Variants in PRB2 observed in about 807,000 individuals in gnomAD.
The protein encoded by PRB2 is basic salivary proline-rich protein 2.
PRB2 carries 12 observed loss-of-function variants against 8.3 expected under a neutral mutation model. That is an observed-to-expected ratio of 1.45 (90% confidence interval 0.93 to 2.35). The LOEUF (loss-of-function observed/expected upper bound fraction) is 2.35. PRB2 is among the 30% of genes most tolerant of loss of function. PRB2 has a pLI of 0.00. For synonymous variants in PRB2, 146 were observed against 180.0 expected (o/e 0.81, Z 1.51); for missense variants, 470 against 507.0 (o/e 0.93, Z 0.70).
In PRB2 at chr12:11,393,010, G is replaced by A. The variant is rs201057151; in HGVS notation, c.1068C>T (p.Ser356=). The A allele has an allele frequency of 7.8e-5, 126 of 1,612,170 alleles. 3 individuals carry two copies. The Middle Eastern group carries it at 2.6e-3, about 34-fold the overall frequency. ...QGPPPQGGSK[S]RSARSPPGKP... ...TTCCTGGAGGAGATCGGGCACTTCG[G>A]GACTTGCTGCCTCCTTGTGGGGGTG... Residue 356 remains serine, a synonymous_variant, in exon 3 of 4, where the codon TCC becomes TCT. Transcript: ENST00000389362.
intron 2 of PRB2, 132 bp downstream of exon 2, chr12:11,394,363 C>T: frequency 8.7e-7 from 1 of 1,152,226 alleles, no homozygotes; most frequent in East Asian, 2.4e-5. Flanking sequence ...ATGAAGAGTG[C>T]CTATATTATT....
Position 11,393,086 on chromosome 12 carries a change from T to C in PRB2, c.992A>G (p.Gln331Arg). The C allele has an allele frequency of 7.2e-7, 1 of 1,389,430 alleles. No homozygotes were observed. Among genetic ancestry groups the C allele is most frequent in the Non-Finnish European group, 9.5e-7 (1 of 1,056,732 alleles). The allele number at this position is 1,389,430 out of a possible 1,614,324, so 86.1% of individuals were successfully genotyped here. Residue 331 changes from glutamine to arginine, a missense_variant, in exon 3 of 4, where the codon CAA (glutamine) becomes CGA (arginine). This residue lies in a region of PRB2 where 205 missense variants were observed against 195.0 expected (regional missense o/e 1.05). Transcript: ENST00000389362. ...GGGACCTTGAGGTTTGTTGCCTCCT[T>C]GTGGGGGTGGTCCTTGTGGCTTTCC... is the stretch of plus-strand genomic sequence containing the variant. Reference protein sequence around the residue: ...PPGKPQGPPPQGGNKPQGPPP... With the variant: ...PPGKPQGPPPRGGNKPQGPPP...
intron 1 of PRB2, 95 bp from the exon 2 acceptor site, chr12:11,394,625 C>G: frequency 7.0e-7 from 1 of 1,437,220 alleles, no homozygotes; most frequent in Non-Finnish European, 9.8e-7. Flanking sequence ...CTCACCACAC[C>G]CCATGCATCC....
chr12:11,393,108 T>C lies in PRB2; in HGVS notation c.970A>G (p.Lys324Glu). Residue 324 changes from lysine to glutamate, a missense_variant, in exon 3 of 4, where the codon AAG becomes GAG. By Grantham distance (56) the Lys-to-Glu change is moderately conservative. Coordinates refer to ENST00000389362, the MANE Select transcript of PRB2 (RefSeq NM_006248.4). Reference sequence around the variant, plus strand: ...CCTTGTGGGGGTGGTCCTTGTGGCTTTCCTGGAGGAGGTGGGGGACCTTGA... The same window carrying C: ...CCTTGTGGGGGTGGTCCTTGTGGCTCTCCTGGAGGAGGTGGGGGACCTTGA... The part of the protein sequence containing the change: ...QPQGPPPPPG[K>E]PQGPPPQGGN... 3 of 1,388,964 alleles carry C rather than the reference T, an allele frequency of 2.2e-6. No individual in the cohort carries two copies. Among genetic ancestry groups the C allele is most frequent in the African/African-American group, 1.9e-5 (1 of 51,792 alleles). 86.0% of individuals were successfully genotyped at this position (1,388,964 alleles called of 1,614,324 possible).
In PRB2 at chr12:11,393,018, T is replaced by G; in HGVS notation, c.1060A>C (p.Ser354Arg). The G allele has an allele frequency of 1.0e-5, 16 of 1,607,614 alleles. No individual in the cohort carries two copies. Among genetic ancestry groups the G allele is most frequent in the Non-Finnish European group, 1.4e-5 (16 of 1,178,084 alleles). ...GGAGATCGGGCACTTCGGGACTTGC[T>G]GCCTCCTTGTGGGGGTGGTCCTTGT... ...KPQGPPPQGGSKSRSARSPPG... is the reference protein window; with the variant it reads ...KPQGPPPQGGRKSRSARSPPG... Residue 354 changes from serine to arginine, a missense_variant, in exon 3 of 4, where the codon AGC becomes CGC. Around this residue, in one of 4 missense-constraint regions of PRB2, gnomAD observed 205 missense variants for 195.0 expected, o/e 1.05. Transcript: ENST00000389362.
At chr12:11,395,071 T>G (rs1189067455) in intron 1 of PRB2, among the ~76,000 whole-genome samples, 2 of 152,132 alleles carry the variant, frequency 1.3e-5, no homozygotes, top group Non-Finnish European at 2.9e-5. Flanking sequence ...TCTGATACTG[T>G]GTGTGTCTAT....
intron 2 of PRB2, 86 bp from the exon 3 acceptor site, chr12:11,394,063 G>T: frequency 2.6e-6 from 4 of 1,552,124 alleles, no homozygotes; most frequent in Non-Finnish European, 3.5e-6. Context: ...TATCAGTTTG[G>T]GTAACAAGCT....
intron 3 of PRB2, 57 bp from the exon 4 acceptor site, chr12:11,391,705 G>T (rs1023205692): frequency 1.2e-5 from 5 of 407,862 alleles, no homozygotes; most frequent in Non-Finnish European, 1.9e-5. Context: ...AGGAAATGTC[G>T]AATTCCTCAC....
chr12:11,393,052 T>A lies in PRB2; in HGVS notation c.1026A>T (p.Pro342=). The change falls in exon 3 of 4, where the codon CCA becomes CCT. Residue 342 remains proline (P), a synonymous_variant. Coordinates refer to ENST00000389362, the MANE Select transcript of PRB2 (RefSeq NM_006248.4). ...GGNKPQGPPP[P]GKPQGPPPQG... ...GTGGGGGTGGTCCTTGTGGCTTTCC[T>A]GGAGGTGGGGGACCTTGAGGTTTGT... is the stretch of plus-strand genomic sequence containing the variant. 6.3e-7 allele frequency: 1 copy of A among 1,592,344 alleles called. No homozygotes were observed. The highest frequency in any genetic ancestry group is 8.5e-7 in the Non-Finnish European group (1 of 1,173,220).
chr12:11,394,965 A>G (rs1477766588), intron 1 of PRB2, among the ~76,000 whole-genome samples: 1 of 152,072 alleles, frequency 6.6e-6, no homozygotes, highest in Non-Finnish European at 1.5e-5. Context: ...ACTGCGTGTA[A>G]GGGAGAGAAA....
rs201001689 is a variant in PRB2, at chr12:11,393,102, G to T, written c.976C>A (p.Gln326Lys). Residue 326 changes from glutamine to lysine, a missense_variant, in exon 3 of 4, where the codon CAA becomes AAA. Transcript: ENST00000389362. ...QGPPPPPGKPQGPPPQGGNKP... is the reference protein window; with the variant it reads ...QGPPPPPGKPKGPPPQGGNKP... ...TTGCCTCCTTGTGGGGGTGGTCCTT[G>T]TGGCTTTCCTGGAGGAGGTGGGGGA... 1,219 of 1,571,694 alleles carry T rather than the reference G, an allele frequency of 7.8e-4. 10 individuals carry two copies. The Middle Eastern group carries it at 0.014, about 18-fold the overall frequency.
intron 2 of PRB2, 21 bp from the exon 3 acceptor site, chr12:11,393,998 A>G: frequency 1.2e-6 from 2 of 1,613,974 alleles, no homozygotes; most frequent in South Asian, 1.1e-5. Context: ...AAGAGAGAAG[A>G]GAAAGACAGA....
intron 2 of PRB2, 124 bp from the exon 3 acceptor site, chr12:11,394,101 C>A: frequency 5.3e-6 from 7 of 1,318,410 alleles, no homozygotes; most frequent in South Asian, 5.2e-5. Flanking sequence ...AAAATGAGAC[C>A]AAGACATTAA....
chr12:11,394,675 G>C (rs946372750), intron 1 of PRB2, 145 bp from the exon 2 acceptor site: 10 of 1,099,568 alleles, frequency 9.1e-6, no homozygotes, highest in Middle Eastern at 2.0e-4. Context: ...GAAGCTGCTG[G>C]AAGGGGAGGA....
rs376320930 is a variant in PRB2, at chr12:11,392,972, G to T, written c.1106C>A (p.Pro369Gln). 3.6e-4 allele frequency: 576 copies of T among 1,612,358 alleles called. No homozygotes were observed. Among genetic ancestry groups the T allele is most frequent in the Non-Finnish European group, 4.8e-4 (562 of 1,179,580 alleles). ...AGGATTGTTGCCTTCTTGTTGGGGTGGTCCTTGTGGCTTTCCTGGAGGAGA... is the reference window on the plus strand; with the variant it reads ...AGGATTGTTGCCTTCTTGTTGGGGTTGTCCTTGTGGCTTTCCTGGAGGAGA... ...ARSPPGKPQG[P>Q]PQQEGNNPQG... Residue 369 changes from proline to glutamine, a missense_variant, in exon 3 of 4, where the codon CCA becomes CAA. Physicochemically the swap from Pro to Gln is moderately conservative, Grantham distance 76. Coordinates refer to ENST00000389362, the MANE Select transcript of PRB2 (RefSeq NM_006248.4).
In PRB2 at chr12:11,392,807, C is replaced by T. The variant is rs374303616; in HGVS notation, c.*20G>A. On this transcript the variant is annotated 3_prime_UTR_variant, in exon 3 of 4. Transcript: ENST00000389362. ...CTGGAATCATACCTGTCATTGAATC[C>T]TAGATGACTGGGGAGGCTGTCACTG... The T allele has an allele frequency of 2.6e-3, 3,789 of 1,466,460 alleles. 57 individuals are homozygous for T. The African/African-American group carries it at 0.054, about 21-fold the overall frequency. 90.8% of individuals were successfully genotyped at this position (1,466,460 alleles called of 1,614,324 possible).
rs748935417 is a variant in PRB2 at position 11,393,764 on chromosome 12, C to T, written c.314G>A (p.Gly105Glu). ...PGKPQGPPPQ[G>E]DKSRSPRSPP... is the part of the protein sequence containing the mutation. ...AGATCGGGGACTTCGGGACTTGTCT[C>T]CTTGTGGGGGTGGTCCTTGTGGCTT... Residue 105 changes from glycine to glutamate, a missense_variant, in exon 3 of 4, where the codon GGA becomes GAA. Transcript: ENST00000389362. 1.4e-5 allele frequency: 22 copies of T among 1,593,760 alleles called. No homozygotes were observed. In the African/African-American group the frequency reaches 2.0e-4, roughly 14 times the overall value.
intron 2 of PRB2, 54 bp downstream of exon 2, chr12:11,394,441 A>C (rs1864376316): frequency 6.3e-7 from 1 of 1,582,544 alleles, no homozygotes; most frequent in Non-Finnish European, 8.7e-7. Context: ...GAACTGATCC[A>C]TTCATAAGCA....
In PRB2 at chr12:11,391,581, A is replaced by G; in HGVS notation, c.*101T>C. On this transcript the variant is annotated 3_prime_UTR_variant, in exon 4 of 4. Coordinates refer to ENST00000389362, the MANE Select transcript of PRB2 (RefSeq NM_006248.4). ...TTATTGGTATACAGAAGTTAGAGCTATGATGACCTTTTTCCAATGTCATGG... is the reference window on the plus strand; with the variant it reads ...TTATTGGTATACAGAAGTTAGAGCTGTGATGACCTTTTTCCAATGTCATGG... 1 of 364,064 alleles carries G rather than the reference A, an allele frequency of 2.7e-6. No individual in the cohort carries two copies. Among genetic ancestry groups the G allele is most frequent in the South Asian group, 1.7e-5 (1 of 58,218 alleles). The allele number at this position is 364,064 out of a possible 1,614,324, so 22.6% of individuals were successfully genotyped here.
Sources: gnomAD v4.1 joint callset for allele counts (sites outside exome capture counted in the v4.1 genomes callset) on GRCh38, gnomAD v4.1.1 for gene constraint, gnomAD v4.1.1 regional missense constraint, MANE v1.5 for transcripts, NCBI Gene and HGNC (gene_info 2026-07-23, HGNC 2026-07-21) for gene names.